TULP4: variants seen among roughly 807,000 people sequenced by gnomAD.
TULP4 encodes tubby-related protein 4.
Under a neutral mutation model 129.0 loss-of-function variants are expected in TULP4, and 16 were observed. The ratio of observed to expected loss-of-function variants is 0.12; its 90% CI spans 0.08 to 0.19. The LOEUF is 0.19. Among genes scored for constraint, TULP4 ranks in the 10% least tolerant of loss-of-function variants. The pLI is 1.00. For missense variants in TULP4, 1,842 were observed against 2,059.1 expected (o/e 0.89, Z 2.04); for synonymous variants, 998 against 854.0 (o/e 1.17, Z -2.94).
chr6:158,289,379 AT>A (rs148402935), intron 1 of TULP4, among the ~76,000 whole-genome samples: 20,273 of 150,118 alleles, frequency 0.14, 1,710 homozygotes, highest in African/African-American at 0.23. Context: ...AGCTTGTCTA[AT>A]TTTTTTTTCT....
At chr6:158,365,077 G>A (rs542348474) in intron 1 of TULP4, among the ~76,000 whole-genome samples, 1 of 151,680 alleles carries the variant, frequency 6.6e-6, no homozygotes, top group South Asian at 2.1e-4. Context: ...CACTCATTGC[G>A]AGCTTTCAGA....
At chr6:158,380,830 G>A (rs1777304313) in intron 1 of TULP4, among the ~76,000 whole-genome samples, 1 of 145,960 alleles carries the variant, frequency 6.9e-6, no homozygotes, top group African/African-American at 2.6e-5. Flanking sequence ...GGAGGCAGAG[G>A]TTGCAGTGAG....
chr6:158,249,787 C>G (rs1166890717), intron 1 of TULP4, among the ~76,000 whole-genome samples: 1 of 152,232 alleles, frequency 6.6e-6, no homozygotes, highest in Non-Finnish European at 1.5e-5. Flanking sequence ...CATTAACAAG[C>G]TGCTCAATTA....
chr6:158,465,097 A>G (rs957692389), intron 6 of TULP4, among the ~76,000 whole-genome samples: 2 of 152,202 alleles, frequency 1.3e-5, no homozygotes, highest in East Asian at 3.8e-4. Flanking sequence ...AGTTGTGCCT[A>G]AACCCCAAAG....
At chr6:158,473,468 G>A (rs137977385) in intron 6 of TULP4, among the ~76,000 whole-genome samples, 154 of 152,332 alleles carry the variant, frequency 1.0e-3, no homozygotes, top group African/African-American at 3.5e-3. Flanking sequence ...AAAATTGTCT[G>A]TGGCTCCAAC....
chr6:158,469,667 G>C (rs992382118), intron 6 of TULP4, among the ~76,000 whole-genome samples: 1 of 151,960 alleles, frequency 6.6e-6, no homozygotes, highest in African/African-American at 2.4e-5. Flanking sequence ...AAGAGATTGG[G>C]GTGGAGATAG....
chr6:158,323,333 T>G (rs1464387849), intron 1 of TULP4, among the ~76,000 whole-genome samples: 1 of 152,242 alleles, frequency 6.6e-6, no homozygotes. Context: ...ATTTGACTTA[T>G]GCAGGTGCTC....
In TULP4 at chr6:158,502,694, C is replaced by A; in HGVS notation, c.3031C>A (p.Pro1011Thr). The A allele has an allele frequency of 6.4e-7, 1 of 1,558,590 alleles. No individual in the cohort carries two copies. The highest frequency in any genetic ancestry group is 8.6e-7 in the Non-Finnish European group (1 of 1,157,532). ...LADSPRAPLQ[P>T]LAKSKGGPGG... The stretch of plus-strand genomic sequence containing the variant: ...CGACAGCCCGCGGGCCCCCCTGCAG[C>A]CCCTGGCCAAGTCCAAGGGCGGGCC... The change falls in exon 13 of 14, where the codon CCC becomes ACC. Residue 1011 changes from proline (P) to threonine (T), a missense_variant. Around this residue, in one of 5 missense-constraint regions of TULP4, gnomAD observed 1,089 missense variants for 987.1 expected, o/e 1.10. Transcript: ENST00000367097.
rs540738658 is a variant in TULP4 at position 158,313,750 on chromosome 6, G to T, written c.-267G>T. ...CAGCACGTTCTTCCTCTGAGAACTTGAAAATACAAATGGACCCCATGTTTT... is the reference window on the plus strand; with the variant it reads ...CAGCACGTTCTTCCTCTGAGAACTTTAAAATACAAATGGACCCCATGTTTT... On this transcript the variant is annotated 5_prime_UTR_variant, in exon 1 of 14. Coordinates refer to ENST00000367097, the MANE Select transcript of TULP4 (RefSeq NM_020245.5). The T allele has an allele frequency of 5.9e-6, 3 of 512,644 alleles. No individual in the cohort carries two copies. The highest frequency in any genetic ancestry group is 1.0e-5 in the Non-Finnish European group (3 of 293,954). The allele number at this position is 512,644 out of a possible 1,614,324, so 31.8% of individuals were successfully genotyped here.
chr6:158,252,874 G>T (rs180821071), intron 1 of TULP4, among the ~76,000 whole-genome samples: 6 of 152,220 alleles, frequency 3.9e-5, no homozygotes, highest in African/African-American at 9.6e-5. Flanking sequence ...ATTTAGATGG[G>T]GTGGGTTTTT....
chr6:158,341,725 C>G lies in TULP4; in HGVS notation c.252+27457C>G, dbSNP rs550157452. 3.8e-4 allele frequency among the ~76,000 whole-genome samples: 57 copies of G among 151,914 alleles called. No individual in the cohort carries two copies. In the East Asian group the frequency reaches 5.4e-3, roughly 14 times the overall value. On this transcript the variant is annotated intron_variant, in intron 1 of 13. Coordinates refer to ENST00000367097, the MANE Select transcript of TULP4 (RefSeq NM_020245.5). The stretch of plus-strand genomic sequence containing the variant: ...TTGTATGTCTTCTTCCAATAAATGT[C>G]TGTTCAGATCTTTTGCCAATATTTT...
chr6:158,487,670 C>T (rs1780103356), intron 8 of TULP4, among the ~76,000 whole-genome samples: 1 of 152,268 alleles, frequency 6.6e-6, no homozygotes, highest in African/African-American at 2.4e-5. Flanking sequence ...CCACCTCAGC[C>T]TCTGCAAATG....
At chr6:158,404,568 G>A (rs1777931535) in intron 1 of TULP4, among the ~76,000 whole-genome samples, 4 of 152,102 alleles carry the variant, frequency 2.6e-5, no homozygotes, top group Admixed American at 2.0e-4. Context: ...ACAAGGTCAC[G>A]AGTTTGAGAC....
Position 158,503,425 on chromosome 6 carries a change from G to A in TULP4, c.3762G>A (p.Gln1254=), listed in dbSNP as rs763449425. ...GAAGCAGCACGTGCTCTAGTTTACA[G>A]CTGCCACCTGTCGCCTTGCATCCAT... ...YPGSSTCSSL[Q]LPPVALHPWS... is the part of the protein sequence containing the mutation. The change falls in exon 13 of 14, where the codon CAG becomes CAA. Residue 1254 remains glutamine (Q), a synonymous_variant. Coordinates refer to ENST00000367097, the MANE Select transcript of TULP4 (RefSeq NM_020245.5). The surrounding 1 kb of genome is among the most constrained non-coding windows in gnomAD (Gnocchi z 4.3). 1 of 1,613,982 alleles carries A rather than the reference G, an allele frequency of 6.2e-7. No individual in the cohort carries two copies. The highest frequency in any genetic ancestry group is 1.1e-5 in the South Asian group (1 of 91,080).
chr6:158,304,334 C>A (rs1205584074), intron 1 of TULP4, among the ~76,000 whole-genome samples: 1 of 152,042 alleles, frequency 6.6e-6, no homozygotes, highest in Non-Finnish European at 1.5e-5. Context: ...CACATGTATT[C>A]TTTGGTTTGA....
chr6:158,331,041 T>C (rs1176496508), intron 1 of TULP4, among the ~76,000 whole-genome samples: 1 of 152,228 alleles, frequency 6.6e-6, no homozygotes, highest in Non-Finnish European at 1.5e-5. Flanking sequence ...GATGTTAATT[T>C]TGATCACCTG....
rs891422545 is a variant in TULP4, at chr6:158,461,937, G to C, written c.1026+208G>C. ...AGTCAAATGAGCACATAGTGAATAAGCAGAGTAAGCTGGTGTTTATCATCA... is the reference window on the plus strand; with the variant it reads ...AGTCAAATGAGCACATAGTGAATAACCAGAGTAAGCTGGTGTTTATCATCA... On this transcript the variant is annotated intron_variant, in intron 6 of 13. Transcript: ENST00000367097. Among the ~76,000 whole-genome samples the C allele has an allele frequency of 3.3e-5, 5 of 152,162 alleles. No homozygotes were observed. In the East Asian group the frequency reaches 9.6e-4, roughly 29 times the overall value.
At chr6:158,308,592 C>G (rs576190565), upstream of TULP4, among the ~76,000 whole-genome samples, 367 of 151,476 alleles carry the variant, frequency 2.4e-3, no homozygotes, top group African/African-American at 8.4e-3. Context: ...GCAGAGGTGC[C>G]CCTCACCTCC....
At chr6:158,243,198 C>T (rs991000490) in intron 1 of TULP4, among the ~76,000 whole-genome samples, 1 of 152,112 alleles carries the variant, frequency 6.6e-6, no homozygotes, top group Non-Finnish European at 1.5e-5. Context: ...TGAGCAATAC[C>T]TCTCACGTCC....
Sources: allele counts gnomAD v4.1 joint callset (sites outside exome capture counted in the v4.1 genomes callset), GRCh38; gene constraint gnomAD v4.1.1; regional missense constraint gnomAD v4.1.1; non-coding constraint Gnocchi (gnomAD v3.1); transcripts MANE v1.5; gene names NCBI Gene and HGNC (gene_info 2026-07-23, HGNC 2026-07-21).